The following PCDH15 variants were observed in gnomAD, a reference collection of about 807,000 sequenced individuals.
PCDH15 encodes protocadherin-15.
In PCDH15, 129 loss-of-function variants were observed where a neutral mutation model predicts 178.5. The observed-to-expected ratio is 0.72, with a 90% CI of 0.63 to 0.84. PCDH15 has a LOEUF of 0.84. Ranked by LOEUF, PCDH15 falls within the 40% of genes least tolerant of loss-of-function variation. The pLI, the probability that PCDH15 is intolerant of heterozygous loss-of-function variation, is 0.00. For missense variants in PCDH15, 2,230 were observed against 2,099.9 expected (o/e 1.06, Z -1.21); for synonymous variants, 800 against 732.0 (o/e 1.09, Z -1.50).
chr10:54,262,331 C>T lies in PCDH15; in HGVS notation c.877-25400G>A, dbSNP rs1380962698. The stretch of plus-strand genomic sequence containing the variant: ...CCTGCTCACATGCCCAAGATAGGCC[C>T]CATCACCCATGCTGCGTGATTAAGG... On this transcript the variant is annotated intron_variant, in intron 8 of 37. Coordinates refer to ENST00000644397, the MANE Select transcript of PCDH15 (RefSeq NM_001384140.1). Among the ~76,000 whole-genome samples, 3 of 152,258 alleles carry T rather than the reference C, an allele frequency of 2.0e-5. No individual in the cohort carries two copies. The South Asian group carries it at 6.2e-4, about 32-fold the overall frequency.
At chr10:54,184,614 G>A (rs565153645) in intron 12 of PCDH15, among the ~76,000 whole-genome samples, 3 of 151,876 alleles carry the variant, frequency 2.0e-5, no homozygotes, top group African/African-American at 7.2e-5. Flanking sequence ...ATTGTGAGGG[G>A]CTGTTCTCTG....
intron 2 of PCDH15, among the ~76,000 whole-genome samples, chr10:55,147,746 T>C (rs1270773778): frequency 6.6e-6 from 1 of 151,720 alleles, no homozygotes; most frequent in Non-Finnish European, 1.5e-5. Flanking sequence ...TGTGCCATGC[T>C]GGTGTGCTGC....
intron 2 of PCDH15, among the ~76,000 whole-genome samples, chr10:54,922,784 C>A (rs1159314157): frequency 6.6e-6 from 1 of 152,156 alleles, no homozygotes; most frequent in Non-Finnish European, 1.5e-5. Context: ...CTCTGCAGGG[C>A]ACAGCCCTCA....
At chr10:53,821,030 A>C (rs2076242887) in intron 32 of PCDH15, 1 of 840,874 alleles carries the variant, frequency 1.2e-6, no homozygotes, top group African/African-American at 1.8e-5. Context: ...GATGATTAAT[A>C]ATATGAACAA....
intron 2 of PCDH15, among the ~76,000 whole-genome samples, chr10:55,016,098 TAAAAAA>T (rs199893494): frequency 4.9e-4 from 57 of 115,596 alleles, no homozygotes; most frequent in Admixed American, 2.4e-3. Context: ...CTTTTTTTTT[TAAAAAA>T]AAAAAAAAAA....
intron 3 of PCDH15, among the ~76,000 whole-genome samples, chr10:54,856,323 AT>A (rs973400081): frequency 1.1e-4 from 16 of 152,138 alleles, no homozygotes; most frequent in Admixed American, 5.2e-4. Flanking sequence ...AGACATCAAC[AT>A]TTTTATTGTA....
chr10:54,539,554 A>G (rs1030625247), intron 2 of PCDH15, among the ~76,000 whole-genome samples: 2 of 152,198 alleles, frequency 1.3e-5, no homozygotes, highest in African/African-American at 4.8e-5. Context: ...CCCCACTGAC[A>G]ACATTAGACA....
chr10:55,122,349 T>A (rs1284588221), intron 2 of PCDH15, among the ~76,000 whole-genome samples: 2 of 152,136 alleles, frequency 1.3e-5, no homozygotes, highest in Admixed American at 6.6e-5. Context: ...AAGTTAGTTA[T>A]AACTACGGGC....
intron 18 of PCDH15, among the ~76,000 whole-genome samples, chr10:54,035,045 A>G (rs927742328): frequency 6.6e-4 from 100 of 152,000 alleles, no homozygotes; most frequent in African/African-American, 2.2e-3. Flanking sequence ...CATGTAGGCA[A>G]TAAGAGGAAT....
chr10:54,554,080 T>C (rs1038763615), intron 2 of PCDH15, among the ~76,000 whole-genome samples: 7 of 152,204 alleles, frequency 4.6e-5, no homozygotes, highest in Non-Finnish European at 1.0e-4. Flanking sequence ...GAGAGGAGTC[T>C]TAAAATGGAA....
chr10:54,939,337 A>C (rs1244187813), intron 2 of PCDH15, among the ~76,000 whole-genome samples: 1 of 151,326 alleles, frequency 6.6e-6, no homozygotes, highest in African/African-American at 2.4e-5. Context: ...TACTAAAAAA[A>C]ACAAAAAATT....
intron 2 of PCDH15, among the ~76,000 whole-genome samples, chr10:55,623,084 G>A (rs1837440541): frequency 1.3e-5 from 2 of 151,906 alleles, no homozygotes; most frequent in South Asian, 2.1e-4. Context: ...CCGAAGTATC[G>A]CTAGTCCCTG....
intron 3 of PCDH15, among the ~76,000 whole-genome samples, chr10:54,484,878 C>T (rs2078988888): frequency 6.6e-6 from 1 of 151,762 alleles, no homozygotes; most frequent in Admixed American, 6.6e-5. Flanking sequence ...TTTAAAACAT[C>T]CCATCAAGCA....
At chr10:54,113,210 T>G (rs1165996114) in intron 15 of PCDH15, among the ~76,000 whole-genome samples, 6 of 152,204 alleles carry the variant, frequency 3.9e-5, no homozygotes, top group Non-Finnish European at 8.8e-5. Context: ...GGCATTTGTA[T>G]AATAGTGTAC....
chr10:55,293,488 T>C (rs1424833612), intron 1 of PCDH15, among the ~76,000 whole-genome samples: 2 of 152,176 alleles, frequency 1.3e-5, no homozygotes, highest in Non-Finnish European at 2.9e-5. Flanking sequence ...TTCTATCGCA[T>C]TGTTAGGCTG....
intron 8 of PCDH15, among the ~76,000 whole-genome samples, chr10:54,271,402 G>A (rs913369775): frequency 6.6e-6 from 1 of 152,114 alleles, no homozygotes; most frequent in East Asian, 1.9e-4. Context: ...TAGAGACAGG[G>A]TGTCACCAAA....
At chr10:55,338,319 T>C (rs767281194) in intron 2 of PCDH15, among the ~76,000 whole-genome samples, 1 of 152,074 alleles carries the variant, frequency 6.6e-6, no homozygotes, top group Non-Finnish European at 1.5e-5. Flanking sequence ...AAAAAAGGAA[T>C]CAACATGGTG....
chr10:54,101,023 C>T (rs1465403038), intron 15 of PCDH15, among the ~76,000 whole-genome samples: 1 of 152,126 alleles, frequency 6.6e-6, no homozygotes, highest in East Asian at 1.9e-4. Context: ...TGTGTCCCCA[C>T]CCAAATCTCG....
At chr10:54,464,636 G>C (rs1185364699) in intron 3 of PCDH15, among the ~76,000 whole-genome samples, 1 of 152,068 alleles carries the variant, frequency 6.6e-6, no homozygotes. Context: ...ATAATAAATA[G>C]TGAAGTCAAC....
Sources: gnomAD v4.1 joint callset for allele counts (sites outside exome capture counted in the v4.1 genomes callset) on GRCh38, gnomAD v4.1.1 for gene constraint, MANE v1.5 for transcripts, NCBI Gene and HGNC (gene_info 2026-07-23, HGNC 2026-07-21) for gene names.